The following STXBP6 variants were observed in gnomAD, a reference collection of about 807,000 sequenced individuals.
STXBP6 encodes the protein syntaxin-binding protein 6.
STXBP6 carries 21 observed loss-of-function variants against 26.9 expected under a neutral mutation model. That is an observed-to-expected ratio of 0.78 (90% CI 0.55 to 1.12). STXBP6 has a LOEUF of 1.12. STXBP6 is among the 50% of genes most tolerant of loss of function. The pLI, the probability that STXBP6 is intolerant of heterozygous loss-of-function variation, is 0.00. For missense variants in STXBP6, 232 were observed against 257.9 expected (o/e 0.90, Z 0.69); for synonymous variants, 97 against 92.6 (o/e 1.05, Z -0.27).
intron 2 of STXBP6, among the ~76,000 whole-genome samples, chr14:24,967,621 CTTTG>C (rs1203019887): frequency 6.6e-6 from 1 of 152,144 alleles, no homozygotes; most frequent in Non-Finnish European, 1.5e-5. Flanking sequence ...CTGAGAATAA[CTTTG>C]TTTTTTTATT....
intron 1 of STXBP6, among the ~76,000 whole-genome samples, chr14:24,999,449 G>A (rs2074694577): frequency 6.6e-6 from 1 of 152,120 alleles, no homozygotes; most frequent in Non-Finnish European, 1.5e-5. Context: ...TGTATTGATT[G>A]TCCATGCTAT....
At chr14:24,918,452 CCACACACACACACACACACACACA>C (rs55810129) in intron 2 of STXBP6, among the ~76,000 whole-genome samples, 1 of 133,398 alleles carries the variant, frequency 7.5e-6, no homozygotes, top group Non-Finnish European at 1.6e-5. Context: ...CACACCCCCA[CCACACACACACACACACACACACA>C]CACACACACA....
chr14:24,975,758 C>G (rs2074029091), intron 1 of STXBP6, among the ~76,000 whole-genome samples: 1 of 152,168 alleles, frequency 6.6e-6, no homozygotes, highest in Admixed American at 6.6e-5. Flanking sequence ...CCCCAATGGT[C>G]TTAACTCTGC....
At chr14:24,997,009 A>G (rs2074621781) in intron 1 of STXBP6, among the ~76,000 whole-genome samples, 1 of 152,170 alleles carries the variant, frequency 6.6e-6, no homozygotes, top group Non-Finnish European at 1.5e-5. Flanking sequence ...AAAGAAAGGG[A>G]AAAAAGTAAA....
intron 1 of STXBP6, among the ~76,000 whole-genome samples, chr14:24,975,276 C>T (rs780036656): frequency 7.2e-5 from 11 of 152,206 alleles, no homozygotes; most frequent in Non-Finnish European, 1.5e-4. Context: ...TATGCCCCTT[C>T]AAAATCTCCT....
intron 1 of STXBP6, among the ~76,000 whole-genome samples, chr14:25,018,989 G>A (rs141500057): frequency 9.3e-4 from 141 of 152,234 alleles, no homozygotes; most frequent in Non-Finnish European, 1.7e-3. Context: ...CTGCTCTGTT[G>A]AGCCCAAGAA....
At chr14:24,964,477 T>G (rs1380835285) in intron 2 of STXBP6, among the ~76,000 whole-genome samples, 1 of 152,178 alleles carries the variant, frequency 6.6e-6, no homozygotes, top group Non-Finnish European at 1.5e-5. Context: ...ATTCGTATTC[T>G]CTCTCCCTCC....
chr14:24,847,762 AT>A (rs962452737), intron 4 of STXBP6, among the ~76,000 whole-genome samples: 16 of 152,164 alleles, frequency 1.1e-4, no homozygotes, highest in African/African-American at 3.9e-4. Context: ...TTTAGAAAAC[AT>A]GTTTTAGGTT....
chr14:25,008,417 G>A (rs1353036413), intron 1 of STXBP6, among the ~76,000 whole-genome samples: 2 of 152,108 alleles, frequency 1.3e-5, no homozygotes, highest in African/African-American at 2.4e-5. Context: ...CCAAGAGGTC[G>A]AGGCTGTAGT....
intron 2 of STXBP6, among the ~76,000 whole-genome samples, chr14:24,866,032 T>C (rs1162483873): frequency 1.3e-5 from 2 of 152,170 alleles, no homozygotes; most frequent in African/African-American, 2.4e-5. Context: ...TGCCCAGGTA[T>C]GTAGTCGAAC....
At chr14:24,822,352 A>G (rs1488564609) in intron 4 of STXBP6, among the ~76,000 whole-genome samples, 2 of 152,170 alleles carry the variant, frequency 1.3e-5, no homozygotes, top group South Asian at 2.1e-4. Context: ...CTTGCCTCAC[A>G]TATACACACA....
intron 2 of STXBP6, among the ~76,000 whole-genome samples, chr14:24,871,150 T>C (rs2069919762): frequency 6.6e-6 from 1 of 152,180 alleles, no homozygotes; most frequent in Non-Finnish European, 1.5e-5. Context: ...GAAGCCCATT[T>C]TAAACTCCTT....
chr14:24,954,124 G>A (rs1566506647), intron 2 of STXBP6, among the ~76,000 whole-genome samples: 2 of 152,140 alleles, frequency 1.3e-5, no homozygotes, highest in African/African-American at 4.8e-5. Flanking sequence ...GGGTGTCACA[G>A]CTCCTTAATG....
At chr14:24,857,595 G>C (rs1359148982) in intron 2 of STXBP6, among the ~76,000 whole-genome samples, 1 of 152,002 alleles carries the variant, frequency 6.6e-6, no homozygotes. Flanking sequence ...CTAGAGAACT[G>C]CAAGGTATAT....
At chr14:24,940,464 T>C (rs2139983371) in intron 2 of STXBP6, among the ~76,000 whole-genome samples, 1 of 152,342 alleles carries the variant, frequency 6.6e-6, no homozygotes, top group Non-Finnish European at 1.5e-5. Context: ...TGTGTTCATT[T>C]TCCCTTTATC....
chr14:25,012,808 C>A (rs569214198), intron 1 of STXBP6, among the ~76,000 whole-genome samples: 2 of 152,186 alleles, frequency 1.3e-5, no homozygotes, highest in East Asian at 1.9e-4. Context: ...CTTTGAGAAC[C>A]ATTGGCCTAG....
intron 1 of STXBP6, among the ~76,000 whole-genome samples, chr14:25,027,152 ACAAG>A (rs1157200798): frequency 6.6e-6 from 1 of 152,186 alleles, no homozygotes; most frequent in Non-Finnish European, 1.5e-5. Flanking sequence ...ATGCATAGAT[ACAAG>A]CATAGTTTGT....
At chr14:24,966,023 T>C (rs1434303214) in intron 2 of STXBP6, among the ~76,000 whole-genome samples, 2 of 152,218 alleles carry the variant, frequency 1.3e-5, no homozygotes, top group Admixed American at 6.5e-5. Flanking sequence ...CCACTTGCTC[T>C]ACCTTTGCAA....
intron 2 of STXBP6, among the ~76,000 whole-genome samples, chr14:24,942,944 G>C (rs1275828577): frequency 2.0e-5 from 3 of 152,192 alleles, no homozygotes; most frequent in African/African-American, 7.2e-5. Context: ...AAATTAATTA[G>C]AATCAGTTAA....
Sources: allele counts gnomAD v4.1 joint callset (sites outside exome capture counted in the v4.1 genomes callset), GRCh38; gene constraint gnomAD v4.1.1; transcripts MANE v1.5; gene names NCBI Gene and HGNC (gene_info 2026-07-23, HGNC 2026-07-21).